The following VTI1A variants were observed in gnomAD, a reference collection of about 807,000 sequenced individuals.
The protein encoded by VTI1A is vesicle transport through interaction with t-SNAREs 1A.
Under a neutral mutation model 34.9 loss-of-function variants are expected in VTI1A, and 22 were observed. The ratio of observed to expected loss-of-function variants is 0.63; its 90% CI spans 0.45 to 0.90. VTI1A has a LOEUF of 0.90. Among genes scored for constraint, VTI1A ranks in the 40% least tolerant of loss-of-function variants. The pLI is 0.00. For synonymous variants in VTI1A, 87 were observed against 97.3 expected, an observed-to-expected ratio of 0.89 and a Z score of 0.62; for missense variants, 268 against 275.6, an observed-to-expected ratio of 0.97 and a Z score of 0.20.
At chr10:112,781,519 C>T (rs539459860) in intron 7 of VTI1A, among the ~76,000 whole-genome samples, 1 of 152,148 alleles carries the variant, frequency 6.6e-6, no homozygotes, top group African/African-American at 2.4e-5. Context: ...GTCTTGGCTC[C>T]AGAGCTCATC....
chr10:112,838,218 A>C, the VTI1A span, among the ~76,000 whole-genome samples: 15 of 152,252 alleles, frequency 9.9e-5, no homozygotes, highest in African/African-American at 3.6e-4. Context: ...TTCTGCTCCC[A>C]AGACAGCCCC....
intron 5 of VTI1A, among the ~76,000 whole-genome samples, chr10:112,551,176 G>A (rs527794764): frequency 3.3e-5 from 5 of 150,232 alleles, no homozygotes; most frequent in South Asian, 2.1e-4. Flanking sequence ...CCCGGCGAGC[G>A]GAGCTTGCCG....
chr10:112,764,767 A>G (rs1851591669), intron 7 of VTI1A, among the ~76,000 whole-genome samples: 2 of 152,184 alleles, frequency 1.3e-5, no homozygotes, highest in Non-Finnish European at 2.9e-5. Context: ...TGTTGTCTGC[A>G]TGGTAGTTAG....
chr10:112,824,711 G>A, the VTI1A span: 5 of 152,286 alleles, frequency 3.3e-5, no homozygotes, highest in African/African-American at 4.8e-5. Context: ...CTCGGGTCTC[G>A]GGGCTCTAGG....
At chr10:112,794,195 A>G (rs1852589752) in intron 7 of VTI1A, among the ~76,000 whole-genome samples, 1 of 152,214 alleles carries the variant, frequency 6.6e-6, no homozygotes, top group Admixed American at 6.5e-5. Flanking sequence ...CAAAATTTGC[A>G]AAATTCAAAT....
intron 5 of VTI1A, among the ~76,000 whole-genome samples, chr10:112,649,101 C>A (rs914666960): frequency 6.6e-6 from 1 of 151,950 alleles, no homozygotes; most frequent in South Asian, 2.1e-4. Flanking sequence ...TTGTCTTAAT[C>A]AAGTATGATT....
intron 5 of VTI1A, among the ~76,000 whole-genome samples, chr10:112,552,010 A>T (rs986743235): frequency 1.3e-5 from 2 of 152,264 alleles, no homozygotes; most frequent in African/African-American, 4.8e-5. Flanking sequence ...ATTCATTAAT[A>T]GACAGATATG....
At chr10:112,751,598 A>G (rs1851109854) in intron 7 of VTI1A, among the ~76,000 whole-genome samples, 1 of 152,112 alleles carries the variant, frequency 6.6e-6, no homozygotes, top group Non-Finnish European at 1.5e-5. Context: ...CATTTCTTCT[A>G]AAATGTGTAG....
chr10:112,542,777 T>C (rs1276929430), intron 5 of VTI1A, among the ~76,000 whole-genome samples: 1 of 152,142 alleles, frequency 6.6e-6, no homozygotes, highest in Non-Finnish European at 1.5e-5. Flanking sequence ...GATTAAGTAA[T>C]TATGTCCACA....
At chr10:112,589,249 C>T (rs562251853) in intron 5 of VTI1A, among the ~76,000 whole-genome samples, 39 of 152,104 alleles carry the variant, frequency 2.6e-4, no homozygotes, top group Admixed American at 6.5e-4. Context: ...GGGAGGGACC[C>T]GAATGGGAGA....
At chr10:112,606,393 G>A (rs1054564192) in intron 5 of VTI1A, among the ~76,000 whole-genome samples, 3 of 152,114 alleles carry the variant, frequency 2.0e-5, no homozygotes, top group Non-Finnish European at 4.4e-5. Flanking sequence ...ACCACCCGTG[G>A]TGTGCTGCTC....
chr10:112,763,734 C>T lies in VTI1A; in HGVS notation c.561-51556C>T, dbSNP rs61256843. 4.6e-5 allele frequency among the ~76,000 whole-genome samples: 7 copies of T among 152,256 alleles called. No homozygotes were observed. The East Asian group carries it at 1.4e-3, about 29-fold the overall frequency. Reference sequence around the variant, plus strand: ...TTGGTTTGGGACCTATTTTATCCTTCATCTCAGTCTAGCTCTCGGGTGTTG... The same window carrying T: ...TTGGTTTGGGACCTATTTTATCCTTTATCTCAGTCTAGCTCTCGGGTGTTG... On this transcript the variant is annotated intron_variant, in intron 7 of 7. Transcript: ENST00000393077.
chr10:112,835,130 C>G, the VTI1A span, among the ~76,000 whole-genome samples: 3,231 of 152,228 alleles, frequency 0.021, 112 homozygotes, highest in African/African-American at 0.074. Flanking sequence ...GCTTGCTGCC[C>G]TGGATCTCCC....
chr10:112,448,114 G>A (rs185150704), intron 1 of VTI1A, among the ~76,000 whole-genome samples: 1 of 152,058 alleles, frequency 6.6e-6, no homozygotes, highest in African/African-American at 2.4e-5. Flanking sequence ...TAGTAAATGG[G>A]GGAAAATTGT....
intron 7 of VTI1A, among the ~76,000 whole-genome samples, chr10:112,699,111 T>G (rs1447772788): frequency 2.0e-5 from 3 of 152,222 alleles, no homozygotes; most frequent in Non-Finnish European, 4.4e-5. Flanking sequence ...AGATGTAGAG[T>G]TGAAATGATT....
chr10:112,662,963 A>G (rs778894668), intron 5 of VTI1A, among the ~76,000 whole-genome samples: 8 of 152,142 alleles, frequency 5.3e-5, no homozygotes, highest in Admixed American at 2.0e-4. Flanking sequence ...CATATTGTCA[A>G]TGTTTGAGCT....
chr10:112,478,182 G>A (rs1405401234), intron 3 of VTI1A, among the ~76,000 whole-genome samples: 3 of 152,112 alleles, frequency 2.0e-5, no homozygotes, highest in South Asian at 2.1e-4. Context: ...CTAATATTGT[G>A]TGCAAGCGAA....
chr10:112,811,712 A>AAAAAAAAAAAAGAT lies in VTI1A; in HGVS notation c.561-3578_561-3577insAAAAAAAAAAAGAT, dbSNP rs67154330. The stretch of plus-strand genomic sequence containing the variant: ...AAAAAAAAAAAAAAAAAAAAAAAAA[A>AAAAAAAAAAAAGAT]GAGTGCAGTCCATGCCTGGAAGTAG... On this transcript the variant is annotated intron_variant, in intron 7 of 7. Coordinates refer to ENST00000393077, the MANE Select transcript of VTI1A (RefSeq NM_145206.4). Among the ~76,000 whole-genome samples, 230 of 84,038 alleles carry AAAAAAAAAAAAGAT rather than the reference A, an allele frequency of 2.7e-3. 67 individuals are homozygous for AAAAAAAAAAAAGAT. The Middle Eastern group carries it at 0.035, about 13-fold the overall frequency. 55.1% of individuals were successfully genotyped at this position (84,038 alleles called of 152,430 possible). A position where few individuals can be genotyped will look rare whatever the true frequency, so the allele number is the denominator to read the frequency against.
the VTI1A span, among the ~76,000 whole-genome samples, chr10:112,836,568 A>G: frequency 6.6e-6 from 1 of 152,184 alleles, no homozygotes; most frequent in African/African-American, 2.4e-5. Flanking sequence ...TTGTAACTGC[A>G]TGTCAAATCT....
Sources: allele counts gnomAD v4.1 joint callset (sites outside exome capture counted in the v4.1 genomes callset), GRCh38; gene constraint gnomAD v4.1.1; transcripts MANE v1.5; gene names NCBI Gene and HGNC (gene_info 2026-07-23, HGNC 2026-07-21).